Variants in KHDRBS3 observed in about 807,000 individuals in gnomAD.
KHDRBS3 encodes the protein KH domain-containing, RNA-binding, signal transduction-associated protein 3.
A neutral mutation model predicts 45.6 loss-of-function variants in KHDRBS3; 23 were observed. The observed-to-expected ratio is 0.50, with a 90% confidence interval of 0.36 to 0.72. KHDRBS3 has a LOEUF of 0.72. Among genes scored for constraint, KHDRBS3 ranks in the 30% least tolerant of loss-of-function variants. KHDRBS3 has a pLI of 0.00. For synonymous variants in KHDRBS3, 162 were observed against 156.5 expected (o/e 1.04, Z -0.26); for missense variants, 352 against 424.8 (o/e 0.83, Z 1.51).
chr8:135,583,046 G>A (rs975580023), intron 6 of KHDRBS3, among the ~76,000 whole-genome samples: 3 of 152,162 alleles, frequency 2.0e-5, no homozygotes, highest in African/African-American at 7.2e-5. Flanking sequence ...GCCTAGAATG[G>A]TGTTCTTATG....
At chr8:135,655,664 T>TA (rs1302463041) in intron 4 of KHDRBS3, among the ~76,000 whole-genome samples, 2 of 152,220 alleles carry the variant, frequency 1.3e-5, no homozygotes, top group African/African-American at 2.4e-5. Context: ...CTGGGACTTG[T>TA]ATGACCAGAG....
chr8:135,476,695 A>G (rs1439567415), intron 1 of KHDRBS3, among the ~76,000 whole-genome samples: 1 of 152,202 alleles, frequency 6.6e-6, no homozygotes, highest in Non-Finnish European at 1.5e-5. Context: ...TCTCAAGGTT[A>G]TGTAGTATGT....
chr8:135,525,215 C>T (rs1184030820), intron 2 of KHDRBS3, among the ~76,000 whole-genome samples: 2 of 152,166 alleles, frequency 1.3e-5, no homozygotes, highest in African/African-American at 4.8e-5. Flanking sequence ...AGGGTATAAA[C>T]TGTGTCTATT....
At chr8:135,490,522 C>T (rs1325427217) in intron 1 of KHDRBS3, among the ~76,000 whole-genome samples, 1 of 152,178 alleles carries the variant, frequency 6.6e-6, no homozygotes, top group Non-Finnish European at 1.5e-5. Flanking sequence ...AAGTTTAAAA[C>T]TCAGTAGGGA....
intron 1 of KHDRBS3, among the ~76,000 whole-genome samples, chr8:135,502,972 C>G (rs1212738175): frequency 6.6e-6 from 1 of 152,174 alleles, no homozygotes; most frequent in Admixed American, 6.5e-5. Flanking sequence ...ACACTAGTCA[C>G]CTTTCAAGTG....
At chr8:135,488,073 G>A (rs1822955539) in intron 1 of KHDRBS3, among the ~76,000 whole-genome samples, 1 of 152,172 alleles carries the variant, frequency 6.6e-6, no homozygotes, top group African/African-American at 2.4e-5. Context: ...GTATAAGTGT[G>A]TATGTGGGAC....
intron 2 of KHDRBS3, among the ~76,000 whole-genome samples, chr8:135,536,174 TA>T (rs775431827): frequency 4.0e-5 from 6 of 150,870 alleles, no homozygotes; most frequent in Non-Finnish European, 5.9e-5. Context: ...TGGACAGAGA[TA>T]CCTACAGGGA....
chr8:135,594,920 G>A (rs1828907409), intron 6 of KHDRBS3, among the ~76,000 whole-genome samples: 1 of 152,196 alleles, frequency 6.6e-6, no homozygotes. Flanking sequence ...TGCACTGGAA[G>A]ACGTGTGTAA....
At chr8:135,584,718 GC>G (rs1451959690) in intron 6 of KHDRBS3, among the ~76,000 whole-genome samples, 1 of 152,130 alleles carries the variant, frequency 6.6e-6, no homozygotes, top group East Asian at 1.9e-4. Context: ...GCCATCAGTA[GC>G]ACTGCCTTGC....
chr8:135,651,634 T>A (rs569824739), downstream of KHDRBS3, among the ~76,000 whole-genome samples: 1 of 152,172 alleles, frequency 6.6e-6, no homozygotes, highest in African/African-American at 2.4e-5. Context: ...TGGGCAGATA[T>A]AGTGCCTCAT....
At chr8:135,617,657 G>A (rs1401718697) in intron 7 of KHDRBS3, among the ~76,000 whole-genome samples, 1 of 152,190 alleles carries the variant, frequency 6.6e-6, no homozygotes, top group Non-Finnish European at 1.5e-5. Flanking sequence ...AACTCATGGA[G>A]AGTGAGTGCT....
At chr8:135,640,844 T>A (rs1240819983) in intron 7 of KHDRBS3, among the ~76,000 whole-genome samples, 5 of 152,132 alleles carry the variant, frequency 3.3e-5, no homozygotes, top group Admixed American at 3.3e-4. Flanking sequence ...TTTTTAGTGT[T>A]TTTTCCCTTT....
chr8:135,491,817 G>A lies in KHDRBS3; in HGVS notation c.89-29420G>A, dbSNP rs72732354. ...TAACATTTTTACTTATAATTCAGAAGCAATGGTAGGTAAAACCTAAGCCTC... is the reference window on the plus strand; with the variant it reads ...TAACATTTTTACTTATAATTCAGAAACAATGGTAGGTAAAACCTAAGCCTC... On this transcript the variant is annotated intron_variant, in intron 1 of 8. Coordinates refer to ENST00000355849, the MANE Select transcript of KHDRBS3 (RefSeq NM_006558.3). Among the ~76,000 whole-genome samples the A allele has an allele frequency of 7.6e-4, 116 of 152,194 alleles. 1 individual carries two copies. Among genetic ancestry groups the A allele is most frequent in the Non-Finnish European group, 1.1e-3 (77 of 68,006 alleles).
intron 4 of KHDRBS3, among the ~76,000 whole-genome samples, chr8:135,552,379 G>A (rs1163723720): frequency 6.6e-6 from 1 of 152,050 alleles, no homozygotes; most frequent in Non-Finnish European, 1.5e-5. Context: ...ACTTCTGCCA[G>A]CTCATAGCTG....
intron 1 of KHDRBS3, among the ~76,000 whole-genome samples, chr8:135,492,660 T>G (rs921831420): frequency 5.3e-5 from 8 of 152,182 alleles, no homozygotes; most frequent in African/African-American, 1.9e-4. Flanking sequence ...CTCTGTTTGT[T>G]TTTCCTTAAG....
intron 1 of KHDRBS3, among the ~76,000 whole-genome samples, chr8:135,463,858 A>T (rs1006964119): frequency 6.6e-6 from 1 of 152,186 alleles, no homozygotes; most frequent in African/African-American, 2.4e-5. Context: ...CTACCAAAAC[A>T]ATAGAAGGAG....
chr8:135,654,254 GTAGT>G (rs1417632726), intron 4 of KHDRBS3, among the ~76,000 whole-genome samples: 30 of 152,130 alleles, frequency 2.0e-4, no homozygotes, highest in African/African-American at 7.0e-4. Flanking sequence ...TGACAGAGAT[GTAGT>G]TAGTTTCTAA....
At chr8:135,558,479 T>C (rs996381104) in intron 5 of KHDRBS3, among the ~76,000 whole-genome samples, 2 of 152,202 alleles carry the variant, frequency 1.3e-5, no homozygotes, top group African/African-American at 4.8e-5. Context: ...TCTAAGTTTA[T>C]TTGGGAGAAT....
intron 2 of KHDRBS3, among the ~76,000 whole-genome samples, chr8:135,531,981 G>A (rs1231383793): frequency 6.6e-6 from 1 of 152,102 alleles, no homozygotes; most frequent in Non-Finnish European, 1.5e-5. Flanking sequence ...AAATGCCCAC[G>A]TACAAAGTGA....
Sources: allele counts gnomAD v4.1 joint callset (sites outside exome capture counted in the v4.1 genomes callset), GRCh38; gene constraint gnomAD v4.1.1; transcripts MANE v1.5; gene names NCBI Gene and HGNC (gene_info 2026-07-23, HGNC 2026-07-21).